The following PARD3B variants were observed in gnomAD, a reference collection of about 807,000 sequenced individuals.
PARD3B encodes the protein par-3 family cell polarity regulator beta.
Under a neutral mutation model 130.2 loss-of-function variants are expected in PARD3B, and 103 were observed. That is an observed-to-expected ratio of 0.79 (90% CI 0.67 to 0.93). The LOEUF (loss-of-function observed/expected upper bound fraction) is 0.93. PARD3B is among the 40% of genes least tolerant of loss of function. PARD3B has a pLI of 0.00. For synonymous variants in PARD3B, 583 were observed against 553.2 expected, an observed-to-expected ratio of 1.05 and a Z score of -0.76; for missense variants, 1,609 against 1,499.2, an observed-to-expected ratio of 1.07 and a Z score of -1.21.
intron 19 of PARD3B, among the ~76,000 whole-genome samples, chr2:205,411,253 A>G (rs1342430490): frequency 6.6e-6 from 1 of 152,172 alleles, no homozygotes; most frequent in Non-Finnish European, 1.5e-5. Flanking sequence ...GATAGATATA[A>G]TAGAAATATA....
chr2:205,452,487 G>C (rs1346291533), intron 20 of PARD3B, among the ~76,000 whole-genome samples: 1 of 152,136 alleles, frequency 6.6e-6, no homozygotes, highest in African/African-American at 2.4e-5. Context: ...TTTCCGTAGA[G>C]AGTTAACTCA....
At chr2:205,188,723 G>C (rs2036228920) in intron 14 of PARD3B, among the ~76,000 whole-genome samples, 1 of 150,350 alleles carries the variant, frequency 6.7e-6, no homozygotes. Flanking sequence ...TGGGATGGAG[G>C]AAGGACTGGA....
chr2:204,786,714 G>A (rs1050355841), intron 2 of PARD3B, among the ~76,000 whole-genome samples: 1 of 150,332 alleles, frequency 6.7e-6, no homozygotes, highest in Non-Finnish European at 1.5e-5. Flanking sequence ...TTTCTTTAGT[G>A]AGCGAATAAC....
chr2:205,322,446 A>C (rs1196179986), intron 18 of PARD3B, among the ~76,000 whole-genome samples: 2 of 152,130 alleles, frequency 1.3e-5, no homozygotes, highest in Non-Finnish European at 2.9e-5. Context: ...TCTGTTGAGG[A>C]CCAGCACTTT....
chr2:204,756,773 T>A (rs897924912), intron 2 of PARD3B, among the ~76,000 whole-genome samples: 23 of 152,172 alleles, frequency 1.5e-4, no homozygotes, highest in Admixed American at 3.9e-4. Flanking sequence ...TCCGATTTTT[T>A]AAAAATTTTA....
At chr2:204,567,602 A>G (rs1443254902) in intron 1 of PARD3B, among the ~76,000 whole-genome samples, 1 of 152,202 alleles carries the variant, frequency 6.6e-6, no homozygotes, top group Non-Finnish European at 1.5e-5. Flanking sequence ...CATTTTGTTT[A>G]TTCATTTATC....
intron 15 of PARD3B, among the ~76,000 whole-genome samples, chr2:205,217,063 A>G (rs557071387): frequency 6.6e-6 from 1 of 152,138 alleles, no homozygotes; most frequent in Non-Finnish European, 1.5e-5. Flanking sequence ...GTACGCCAAC[A>G]TTCTTCCCTA....
At chr2:205,208,907 G>C (rs1360043167) in intron 15 of PARD3B, among the ~76,000 whole-genome samples, 1 of 123,058 alleles carries the variant, frequency 8.1e-6, no homozygotes, top group Admixed American at 7.6e-5. Context: ...AGCCTGCATC[G>C]CCAAGTCAAT....
chr2:204,989,872 G>A, intron 3 of PARD3B, among the ~76,000 whole-genome samples: 1 of 151,960 alleles, frequency 6.6e-6, no homozygotes, highest in East Asian at 1.9e-4. Flanking sequence ...CTTACATGCA[G>A]CATAACTATA....
chr2:204,628,457 A>G (rs1464799587), intron 1 of PARD3B, among the ~76,000 whole-genome samples: 3 of 152,160 alleles, frequency 2.0e-5, no homozygotes, highest in Non-Finnish European at 2.9e-5. Flanking sequence ...GGGAGAGAAC[A>G]GGAAAATAGC....
At position 204,887,912 on chromosome 2, in the gene PARD3B, C is replaced by T. The variant is rs2125682883; in HGVS notation, c.223-77240C>T. On this transcript the variant is annotated intron_variant, in intron 2 of 22. Coordinates refer to ENST00000406610, the MANE Select transcript of PARD3B (RefSeq NM_001302769.2). The surrounding 1 kb of genome is among the most constrained non-coding windows in gnomAD (Gnocchi z 4.2). ...TATGGATTTGAGAAGCCAGAAAAGT[C>T]CTTAGAGAGGAGGTGAAATTTGAGC... Among the ~76,000 whole-genome samples, 1 of 152,124 alleles carries T rather than the reference C, an allele frequency of 6.6e-6. No individual in the cohort carries two copies. The highest frequency in any genetic ancestry group is 1.9e-4 in the East Asian group (1 of 5,158).
In PARD3B at chr2:205,057,568, T is replaced by C. The variant is rs60884813; in HGVS notation, c.504+9878T>C. On this transcript the variant is annotated intron_variant, in intron 4 of 22. Transcript: ENST00000406610. ...ATGTGTATATGTATATATACATATA[T>C]GTATATGTGTATGTGTATACGTATA... Among the ~76,000 whole-genome samples the C allele has an allele frequency of 5.6e-3, 793 of 141,980 alleles. 44 individuals carry two copies. Among genetic ancestry groups the C allele is most frequent in the Admixed American group, 0.016 (213 of 13,280 alleles). The allele number at this position is 141,980 out of a possible 152,430, so 93.1% of individuals were successfully genotyped here.
chr2:205,047,830 AG>A, intron 4 of PARD3B, 140 bp downstream of exon 4: 3 of 580,250 alleles, frequency 5.2e-6, no homozygotes, highest in Non-Finnish European at 9.0e-6. Context: ...TTATACTAAT[AG>A]CTAGTATGGG....
In PARD3B at chr2:205,104,532, A is replaced by G; in HGVS notation, c.593+18A>G. The G allele has an allele frequency of 7.2e-7, 1 of 1,396,180 alleles. No individual in the cohort carries two copies. The highest frequency in any genetic ancestry group is 1.0e-6 in the Non-Finnish European group (1 of 987,218). The allele number at this position is 1,396,180 out of a possible 1,614,324, so 86.5% of individuals were successfully genotyped here. ...ACATTGAGGTATTCTCTTTATACAG[A>G]TAAGAATATCTGATTTATTTCAATT... On this transcript the variant is annotated intron_variant, in intron 5 of 22. Transcript: ENST00000406610.
chr2:204,970,044 A>G (rs193165566), intron 3 of PARD3B, among the ~76,000 whole-genome samples: 158 of 152,234 alleles, frequency 1.0e-3, no homozygotes, highest in African/African-American at 3.5e-3. Flanking sequence ...TTTTTTAAGT[A>G]TGTACATATA....
intron 4 of PARD3B, 106 bp from the exon 5 acceptor site, chr2:205,104,320 A>G (rs1380755164): frequency 1.3e-6 from 1 of 761,886 alleles, no homozygotes; most frequent in Non-Finnish European, 2.3e-6. Context: ...AGCATACTGT[A>G]TATATCCAGC....
At chr2:205,017,190 T>C (rs1696213665) in intron 3 of PARD3B, among the ~76,000 whole-genome samples, 1 of 152,102 alleles carries the variant, frequency 6.6e-6, no homozygotes, top group South Asian at 2.1e-4. Context: ...TGTAGATATG[T>C]AATGTAAGGT....
intron 1 of PARD3B, among the ~76,000 whole-genome samples, chr2:204,636,245 C>G (rs1211903601): frequency 6.6e-6 from 1 of 152,098 alleles, no homozygotes; most frequent in African/African-American, 2.4e-5. Flanking sequence ...AGACCCAGAG[C>G]TGTACCTCTG....
intron 15 of PARD3B, among the ~76,000 whole-genome samples, chr2:205,213,876 AAAAGGGCTGTG>A (rs2037775187): frequency 6.6e-6 from 1 of 152,162 alleles, no homozygotes; most frequent in Non-Finnish European, 1.5e-5. Context: ...AAACTTGAAG[AAAAGGGCTGTG>A]TGCTTTATTT....
Sources: allele counts gnomAD v4.1 joint callset (sites outside exome capture counted in the v4.1 genomes callset), GRCh38; gene constraint gnomAD v4.1.1; non-coding constraint Gnocchi (gnomAD v3.1); transcripts MANE v1.5; gene names NCBI Gene and HGNC (gene_info 2026-07-23, HGNC 2026-07-21).